MED26: variants seen among roughly 807,000 people sequenced by gnomAD.
MED26 encodes mediator of RNA polymerase II transcription subunit 26.
A neutral mutation model predicts 43.7 loss-of-function variants in MED26; 7 were observed. That is an observed-to-expected ratio of 0.16 (90% CI 0.09 to 0.30). The LOEUF is 0.30. Ranked by LOEUF, MED26 falls within the 10% of genes least tolerant of loss-of-function variation. MED26 has a pLI of 1.00. For missense variants in MED26, 784 were observed against 840.6 expected (o/e 0.93, Z 0.83); for synonymous variants, 375 against 371.1 (o/e 1.01, Z -0.12).
At chr19:16,605,110 C>T (rs1333567515) in intron 1 of MED26, among the ~76,000 whole-genome samples, 1 of 152,156 alleles carries the variant, frequency 6.6e-6, no homozygotes, top group Non-Finnish European at 1.5e-5. Context: ...AGTAGTTACA[C>T]AGGTATACGA....
At chr19:16,603,800 G>A (rs1457448774) in intron 1 of MED26, among the ~76,000 whole-genome samples, 1 of 152,150 alleles carries the variant, frequency 6.6e-6, no homozygotes, top group Non-Finnish European at 1.5e-5. Flanking sequence ...CTCTGGCTCC[G>A]TAAGGCTCCA....
intron 1 of MED26, among the ~76,000 whole-genome samples, chr19:16,618,086 ACGAGTTTC>A (rs1378050754): frequency 3.3e-5 from 5 of 152,214 alleles, no homozygotes; most frequent in African/African-American, 4.8e-5. Flanking sequence ...AAACACAGGT[ACGAGTTTC>A]CGGTTACCCA....
chr19:16,618,232 G>A (rs368472893), intron 1 of MED26, among the ~76,000 whole-genome samples: 1 of 152,136 alleles, frequency 6.6e-6, no homozygotes, highest in African/African-American at 2.4e-5. Context: ...GGGTCACAGC[G>A]CAGTCTCCTC....
intron 1 of MED26, among the ~76,000 whole-genome samples, chr19:16,627,396 GGAA>G (rs1369751745): frequency 4.6e-5 from 7 of 152,206 alleles, no homozygotes; most frequent in East Asian, 3.8e-4. Flanking sequence ...GAGAGGAGGG[GGAA>G]GAAGGACTTC....
At chr19:16,621,760 A>C (rs1236903027) in intron 1 of MED26, among the ~76,000 whole-genome samples, 3 of 152,134 alleles carry the variant, frequency 2.0e-5, no homozygotes, top group Non-Finnish European at 4.4e-5. Context: ...GTGTTAAGTC[A>C]GCTCTGACAA....
intron 1 of MED26, chr19:16,588,630 C>T (rs1050962748): frequency 1.3e-5 from 2 of 152,448 alleles, no homozygotes; most frequent in African/African-American, 4.8e-5. Flanking sequence ...GTCTGTAGAG[C>T]ATGAATGGTG....
chr19:16,616,077 G>C (rs1381347317), intron 1 of MED26, among the ~76,000 whole-genome samples: 1 of 152,182 alleles, frequency 6.6e-6, no homozygotes, highest in African/African-American at 2.4e-5. Context: ...AGAGGAAGGG[G>C]CAGCTCTCAG....
intron 1 of MED26, among the ~76,000 whole-genome samples, chr19:16,607,441 C>G (rs1195742596): frequency 6.6e-6 from 1 of 150,936 alleles, no homozygotes; most frequent in East Asian, 2.0e-4. Flanking sequence ...AAGAGGAACT[C>G]AGGGAGCAGA....
Position 16,627,777 on chromosome 19 carries a change from G to T in MED26, c.72+95C>A, listed in dbSNP as rs769187819. On this transcript the variant is annotated intron_variant, in intron 1 of 2. Coordinates refer to ENST00000263390, the MANE Select transcript of MED26 (RefSeq NM_004831.5). ...CCTCGAGGGGAGGTGGGCGCCAGACGGGTCCCCCGAAGCCCGGTGGGCGAG... is the reference window on the plus strand; with the variant it reads ...CCTCGAGGGGAGGTGGGCGCCAGACTGGTCCCCCGAAGCCCGGTGGGCGAG... The T allele has an allele frequency of 9.3e-6, 8 of 863,316 alleles. No homozygotes were observed. The Admixed American group carries it at 1.2e-4, about 13-fold the overall frequency. The allele number at this position is 863,316 out of a possible 1,614,324, so 53.5% of individuals were successfully genotyped here.
chr19:16,596,157 C>T (rs985750059), intron 1 of MED26, among the ~76,000 whole-genome samples: 2 of 152,200 alleles, frequency 1.3e-5, no homozygotes, highest in African/African-American at 2.4e-5. Context: ...AGATTACAGG[C>T]AAGCCACTGT....
At chr19:16,623,006 T>A (rs756176459) in intron 1 of MED26, among the ~76,000 whole-genome samples, 1 of 152,196 alleles carries the variant, frequency 6.6e-6, no homozygotes, top group Non-Finnish European at 1.5e-5. Context: ...GACGTGACCA[T>A]GGTGCCTTTT....
chr19:16,590,761 G>A (rs966220374), intron 1 of MED26, among the ~76,000 whole-genome samples: 2 of 152,134 alleles, frequency 1.3e-5, no homozygotes, highest in African/African-American at 4.8e-5. Context: ...ATTAATGTCA[G>A]GCACAGCGGC....
chr19:16,595,580 G>C (rs2086116565), intron 1 of MED26, among the ~76,000 whole-genome samples: 1 of 152,164 alleles, frequency 6.6e-6, no homozygotes. Context: ...GGAGACCAGT[G>C]CTCAGGTCTG....
At chr19:16,622,888 C>T (rs2086258075) in intron 1 of MED26, among the ~76,000 whole-genome samples, 1 of 152,180 alleles carries the variant, frequency 6.6e-6, no homozygotes, top group African/African-American at 2.4e-5. Context: ...TGAGAAGATG[C>T]TCGCAGACCC....
In MED26 at chr19:16,602,137, A is replaced by G. The variant is rs568239983; in HGVS notation, c.73-23728T>C. Reference sequence around the variant, plus strand: ...GCACCTGCTGGTTCATTCATTCCCTATGGAAAGTTCTGAGCACAGACTTTT... The same window carrying G: ...GCACCTGCTGGTTCATTCATTCCCTGTGGAAAGTTCTGAGCACAGACTTTT... On this transcript the variant is annotated intron_variant, in intron 1 of 2. Transcript: ENST00000263390. 4.6e-5 allele frequency among the ~76,000 whole-genome samples: 7 copies of G among 152,340 alleles called. 1 individual carries two copies. The South Asian group carries it at 1.0e-3, about 23-fold the overall frequency.
intron 1 of MED26, among the ~76,000 whole-genome samples, chr19:16,607,340 A>C (rs2086178300): frequency 6.6e-6 from 1 of 150,856 alleles, no homozygotes; most frequent in Admixed American, 6.6e-5. Flanking sequence ...CATTGCACTC[A>C]TGCCTGGGTG....
intron 1 of MED26, chr19:16,578,654 G>A: frequency 1.9e-6 from 1 of 522,696 alleles, no homozygotes; most frequent in Non-Finnish European, 3.4e-6. Context: ...GCCCTCCAGT[G>A]TACATGGTAC....
At chr19:16,614,099 T>C (rs1342865304) in intron 1 of MED26, among the ~76,000 whole-genome samples, 1 of 152,192 alleles carries the variant, frequency 6.6e-6, no homozygotes, top group South Asian at 2.1e-4. Context: ...CACCAGGTGA[T>C]GGCAACACCA....
Position 16,578,400 on chromosome 19 carries a change from T to C in MED26, c.82A>G (p.Met28Val), listed in dbSNP as rs1435333681. Residue 28 changes from methionine to valine, a missense_variant, in exon 2 of 3, where the codon ATG becomes GTG. Met to Val is a conservative substitution (Grantham distance 21). Around this residue, in one of 3 missense-constraint regions of MED26, gnomAD observed 28 missense variants for 79.4 expected, o/e 0.35. Transcript: ENST00000263390. ...GAGATGACTTCCAGCACCGCCACCA[T>C]GTTCCGGATCTGTGGAAATAAAAAG... ...AIDPQSNIRNMVAVLEVISSL... is the reference protein window; with the variant it reads ...AIDPQSNIRNVVAVLEVISSL... The C allele has an allele frequency of 6.2e-7, 1 of 1,614,048 alleles. No individual in the cohort carries two copies. Among genetic ancestry groups the C allele is most frequent in the Non-Finnish European group, 8.5e-7 (1 of 1,179,974 alleles).
Sources: allele counts gnomAD v4.1 joint callset (sites outside exome capture counted in the v4.1 genomes callset), GRCh38; gene constraint gnomAD v4.1.1; regional missense constraint gnomAD v4.1.1; transcripts MANE v1.5; gene names NCBI Gene and HGNC (gene_info 2026-07-23, HGNC 2026-07-21).